Variants in CDH13 observed in about 807,000 individuals in gnomAD.
CDH13 encodes cadherin-13.
In CDH13, 24 loss-of-function variants were observed where a neutral mutation model predicts 63.8. That is an observed-to-expected ratio of 0.38 (90% CI 0.27 to 0.53). The LOEUF (loss-of-function observed/expected upper bound fraction) is 0.53. Among genes scored for constraint, CDH13 ranks in the 20% least tolerant of loss-of-function variants. The pLI, the probability that CDH13 is intolerant of heterozygous loss-of-function variation, is 0.85. For synonymous variants in CDH13, 503 were observed against 355.3 expected (o/e 1.42, Z -4.67); for missense variants, 1,049 against 903.1 (o/e 1.16, Z -2.07).
At chr16:82,828,510 C>T (rs1445150261) in intron 1 of CDH13, among the ~76,000 whole-genome samples, 16 of 152,042 alleles carry the variant, frequency 1.1e-4, no homozygotes, top group Admixed American at 8.5e-4. Context: ...CCACCTAATC[C>T]CAGCTACTCA....
intron 7 of CDH13, among the ~76,000 whole-genome samples, chr16:83,597,809 A>C (rs1907413841): frequency 6.6e-6 from 1 of 152,208 alleles, no homozygotes; most frequent in Non-Finnish European, 1.5e-5. Context: ...TCATTTTCTA[A>C]AATTATTTAT....
chr16:83,697,014 C>A (rs1905498663), intron 10 of CDH13, among the ~76,000 whole-genome samples: 1 of 152,206 alleles, frequency 6.6e-6, no homozygotes, highest in African/African-American at 2.4e-5. Context: ...ACCACACGGC[C>A]TTTCTTCCTC....
rs374418224 is a variant in CDH13, at chr16:83,492,577, G to A, written c.960+5922G>A. ...ATTGCCTTATTATTTTTAAAATAATGCATTATCCTTTCAAATGAAACACAG... is the reference window on the plus strand; with the variant it reads ...ATTGCCTTATTATTTTTAAAATAATACATTATCCTTTCAAATGAAACACAG... On this transcript the variant is annotated intron_variant, in intron 7 of 13. Transcript: ENST00000567109. Among the ~76,000 whole-genome samples the A allele has an allele frequency of 1.1e-3, 171 of 152,254 alleles. 8 individuals carry two copies. In the South Asian group the frequency reaches 0.034, roughly 31 times the overall value.
intron 2 of CDH13, among the ~76,000 whole-genome samples, chr16:82,865,565 G>A (rs973316730): frequency 6.6e-6 from 1 of 152,184 alleles, no homozygotes; most frequent in Non-Finnish European, 1.5e-5. Flanking sequence ...AAAATGCAGG[G>A]CTCCAAGTCC....
At chr16:83,148,797 C>A (rs1330564425) in intron 4 of CDH13, among the ~76,000 whole-genome samples, 1 of 152,086 alleles carries the variant, frequency 6.6e-6, no homozygotes, top group Non-Finnish European at 1.5e-5. Flanking sequence ...AATATTTATC[C>A]TCAAAGACAC....
chr16:82,693,466 C>CCT (rs1161771033), intron 1 of CDH13, among the ~76,000 whole-genome samples: 2 of 152,312 alleles, frequency 1.3e-5, no homozygotes, highest in African/African-American at 4.8e-5. Context: ...CAGCTTGCGA[C>CCT]CTAAACATTT....
chr16:83,646,951 C>G (rs1409493503), intron 8 of CDH13, among the ~76,000 whole-genome samples: 2 of 151,758 alleles, frequency 1.3e-5, no homozygotes, highest in African/African-American at 2.4e-5. Context: ...TACGTTTTGT[C>G]CTTTCCTGGA....
chr16:83,549,731 A>G (rs528878641), intron 7 of CDH13, among the ~76,000 whole-genome samples: 72 of 152,334 alleles, frequency 4.7e-4, no homozygotes, highest in Non-Finnish European at 9.4e-4. Flanking sequence ...TGAATTTCCA[A>G]TAAGAGAAAG....
chr16:83,026,707 C>G (rs1035517159), intron 2 of CDH13, among the ~76,000 whole-genome samples: 6 of 152,146 alleles, frequency 3.9e-5, no homozygotes, highest in African/African-American at 1.4e-4. Context: ...GAGGTATGGA[C>G]TTGTACAGTC....
At chr16:82,984,315 T>A (rs971690798) in intron 2 of CDH13, among the ~76,000 whole-genome samples, 2 of 152,218 alleles carry the variant, frequency 1.3e-5, no homozygotes, top group South Asian at 4.1e-4. Flanking sequence ...TGTCTTCACA[T>A]GGGAAATGTG....
chr16:82,893,608 G>T (rs927481640), intron 2 of CDH13, among the ~76,000 whole-genome samples: 2 of 152,188 alleles, frequency 1.3e-5, no homozygotes, highest in African/African-American at 4.8e-5. Flanking sequence ...TTAGAATATG[G>T]GTTGGATATG....
chr16:83,031,903 TG>T (rs1350007446), intron 2 of CDH13, 106 bp from the exon 3 acceptor site: 19 of 861,800 alleles, frequency 2.2e-5, no homozygotes, highest in Non-Finnish European at 3.5e-5. Context: ...TTGTGAACTC[TG>T]GGTTGGGAAA....
At chr16:83,634,117 CTGTGTGTGTGTGTGTGTA>C (rs1255385180) in intron 8 of CDH13, among the ~76,000 whole-genome samples, 36 of 77,068 alleles carry the variant, frequency 4.7e-4, no homozygotes, top group South Asian at 5.4e-4. Flanking sequence ...TGTGTGTTTT[CTGTGTGTGTGTGTGTGTA>C]TGTGTGTGTG....
rs1178101908 is a variant in CDH13, at chr16:82,805,859, A to C, written c.46-52503A>C. Among the ~76,000 whole-genome samples, 3 of 152,140 alleles carry C rather than the reference A, an allele frequency of 2.0e-5. No homozygotes were observed. In the East Asian group the frequency reaches 5.8e-4, roughly 29 times the overall value. On this transcript the variant is annotated intron_variant, in intron 1 of 13. Transcript: ENST00000567109. ...GAAGGTATGAATCTCCGGTTGACGAACTCTAGTGTGCAAATAAGACAACTG... is the reference window on the plus strand; with the variant it reads ...GAAGGTATGAATCTCCGGTTGACGACCTCTAGTGTGCAAATAAGACAACTG...
At chr16:83,242,498 A>G (rs1411541257) in intron 5 of CDH13, among the ~76,000 whole-genome samples, 1 of 152,176 alleles carries the variant, frequency 6.6e-6, no homozygotes, top group African/African-American at 2.4e-5. Flanking sequence ...TTTCTAAATC[A>G]GATGTGTTTG....
intron 8 of CDH13, among the ~76,000 whole-genome samples, chr16:83,662,586 C>T (rs1348002575): frequency 1.3e-5 from 2 of 152,086 alleles, no homozygotes; most frequent in African/African-American, 4.8e-5. Flanking sequence ...AGTTGAGGAT[C>T]TCTAAAGCCT....
chr16:83,513,850 C>G (rs1025316179), intron 7 of CDH13, among the ~76,000 whole-genome samples: 1 of 152,112 alleles, frequency 6.6e-6, no homozygotes, highest in Non-Finnish European at 1.5e-5. Context: ...CCGCAGATCA[C>G]CTTTATTGCC....
chr16:83,394,952 A>G (rs2091857394), intron 6 of CDH13, among the ~76,000 whole-genome samples: 1 of 152,084 alleles, frequency 6.6e-6, no homozygotes, highest in African/African-American at 2.4e-5. Context: ...GTTTGAAACC[A>G]GCCTGGCCAA....
chr16:83,496,400 G>A (rs1175477394), intron 7 of CDH13, among the ~76,000 whole-genome samples: 3 of 150,922 alleles, frequency 2.0e-5, no homozygotes, highest in East Asian at 2.0e-4. Context: ...AGAAAAACAA[G>A]CAATGGGGAA....
Sources: allele counts gnomAD v4.1 joint callset (sites outside exome capture counted in the v4.1 genomes callset), GRCh38; gene constraint gnomAD v4.1.1; transcripts MANE v1.5; gene names NCBI Gene and HGNC (gene_info 2026-07-23, HGNC 2026-07-21).